The following ARR3 variants were observed in gnomAD, a reference collection of about 807,000 sequenced individuals.
ARR3 encodes the protein arrestin-C.
ARR3 carries 14 observed loss-of-function variants against 35.4 expected under a neutral mutation model. That is an observed-to-expected ratio of 0.40 (90% CI 0.26 to 0.62). The LOEUF is 0.62. ARR3 is among the 20% of genes least tolerant of loss of function. ARR3 has a pLI of 0.46. For synonymous variants in ARR3, 97 were observed against 119.1 expected (o/e 0.81, Z 1.21); for missense variants, 259 against 303.8 (o/e 0.85, Z 1.10).
intron 1 of ARR3, 127 bp from the exon 2 acceptor site, chrX:70,269,229 T>G: frequency 1.7e-6 from 1 of 589,475 alleles, no homozygotes; most frequent in Non-Finnish European, 2.5e-6. Flanking sequence ...AGGTACTTGA[T>G]GTGGGTGAGG....
intron 3 of ARR3, 72 bp from the exon 4 acceptor site, chrX:70,269,771 T>C: frequency 2.5e-6 from 3 of 1,191,523 alleles, no homozygotes; most frequent in Non-Finnish European, 3.4e-6. Context: ...CTCAGGGGTC[T>C]GGGTTGGGGG....
At position 70,269,853 on chromosome X, in the gene ARR3, A is replaced by G; in HGVS notation, c.50A>G (p.Tyr17Cys). Residue 17 changes from tyrosine to cysteine, a missense_variant, in exon 4 of 17, where the codon TAC (tyrosine) becomes TGC (cysteine). Tyr to Cys is a radical substitution (Grantham distance 194). Transcript: ENST00000307959. ...KTSSNGKLSI[Y>C]LGKRDFVDHV... ...GTTGTTCCACAACAGCTCTCCATCT[A>G]CCTGGGGAAACGGGACTTCGTGGAC... The G allele has an allele frequency of 8.3e-7, 1 of 1,208,669 alleles. No individual in the cohort carries two copies. The highest frequency in any genetic ancestry group is 1.1e-6 in the Non-Finnish European group (1 of 893,925).
In ARR3 at chrX:70,269,661, G is replaced by C; in HGVS notation, c.9-1G>C. 1 of 1,205,900 alleles carries C rather than the reference G, an allele frequency of 8.3e-7. No individual in the cohort carries two copies. Reference sequence around the variant, plus strand: ...TCCTCTTTCTGGTTTTCTCCTCATAGGGTGTTTAAGAAGACCAGCTCCAAT... The same window carrying C: ...TCCTCTTTCTGGTTTTCTCCTCATACGGTGTTTAAGAAGACCAGCTCCAAT... On this transcript the variant is annotated splice_acceptor_variant, in intron 2 of 16. Transcript: ENST00000307959. LOFTEE classifies it high-confidence loss of function.
At position 70,276,089 on chromosome X, in the gene ARR3, C is replaced by T. The variant is rs139208732; in HGVS notation, c.153C>T (p.Val51=). Residue 51 remains valine, a synonymous_variant, in exon 6 of 17, where the codon GTC becomes GTT. Coordinates refer to ENST00000307959, the MANE Select transcript of ARR3 (RefSeq NM_004312.3). The part of the protein sequence containing the change: ...PEYLKCRKLF[V]MLTCAFRYGR... ...TTCCTCCTATGCCTGCAGTGTTTGT[C>T]ATGTTGACATGTGCCTTTCGCTATG... is the stretch of plus-strand genomic sequence containing the variant. 5.0e-5 allele frequency: 61 copies of T among 1,210,036 alleles called. No individual in the cohort carries two copies. Among genetic ancestry groups the T allele is most frequent in the Non-Finnish European group, 6.5e-5 (58 of 895,159 alleles).
intron 5 of ARR3, 64 bp from the exon 6 acceptor site, chrX:70,276,018 C>A: frequency 8.9e-7 from 1 of 1,127,261 alleles, no homozygotes; most frequent in Non-Finnish European, 1.2e-6. Context: ...GTCTTCTTGA[C>A]CCAGTTAAGA....
Position 70,281,687 on chromosome X carries a change from T to A in ARR3, c.1088T>A (p.Ile363Lys), listed in dbSNP as rs1425512024. Residue 363 changes from isoleucine to lysine, a missense_variant, in exon 17 of 17, where the codon ATA becomes AAA. Ile to Lys is a moderately radical substitution (Grantham distance 102). Transcript: ENST00000307959. ...GCTGCTTCTGCAAGCTCTGAGGACA[T>A]AGTCATCGAGGAGTTTACGCGGAAA... ...PSHEAASSEDIVIEEFTRKGE... is the reference protein window; with the variant it reads ...PSHEAASSEDKVIEEFTRKGE... The A allele has an allele frequency of 9.3e-6, 11 of 1,183,823 alleles. No homozygotes were observed. The highest frequency in any genetic ancestry group is 1.2e-5 in the Non-Finnish European group (11 of 881,026).
In ARR3 at chrX:70,276,492, G is replaced by C; in HGVS notation, c.405G>C (p.Lys135Asn). The part of the protein sequence containing the change: ...TLQPGPEDAG[K>N]PCGIDFEVKS... ...AGCCAGGTCCTGAAGATGCAGGAAA[G>C]GTGAGGACTGGGTTCTAAGAAAGAG... The change falls in exon 7 of 17, where the codon AAG becomes AAC. Residue 135 changes from lysine to asparagine, a missense_variant and splice_region_variant. Transcript: ENST00000307959. 8.3e-7 allele frequency: 1 copy of C among 1,210,825 alleles called. No homozygotes were observed. Among genetic ancestry groups the C allele is most frequent in the Non-Finnish European group, 1.1e-6 (1 of 894,482 alleles).
chrX:70,280,502 C>G, intron 13 of ARR3, 57 bp from the exon 14 acceptor site: 1 of 1,141,705 alleles, frequency 8.8e-7, no homozygotes, highest in South Asian at 2.1e-5. Flanking sequence ...CCTTGTGAAA[C>G]TAGGTTGCCC....
At chrX:70,274,901 T>C (rs1405125218) in intron 5 of ARR3, among the ~76,000 whole-genome samples, 1 of 112,593 alleles carries the variant, frequency 8.9e-6, no homozygotes, top group Non-Finnish European at 1.9e-5. Flanking sequence ...ACTCCTGAGT[T>C]ATGGAGAGGC....
At position 70,269,676 on chromosome X, in the gene ARR3, C is replaced by A; in HGVS notation, c.23C>A (p.Thr8Asn). ...TCTCCTCATAGGGTGTTTAAGAAGA[C>A]CAGCTCCAATGGGAAGGTGAGAGAA... MSKVFKK[T>N]SSNGKLSIYL... Residue 8 changes from threonine (T) to asparagine (N), a missense_variant, in exon 3 of 17, where the codon ACC becomes AAC. By Grantham distance (65) the Thr-to-Asn change is moderately conservative. Coordinates refer to ENST00000307959, the MANE Select transcript of ARR3 (RefSeq NM_004312.3). 1 of 1,206,483 alleles carries A rather than the reference C, an allele frequency of 8.3e-7. No homozygotes were observed. Among genetic ancestry groups the A allele is most frequent in the Non-Finnish European group, 1.1e-6 (1 of 892,485 alleles).
rs749106063 is a variant in ARR3, at chrX:70,278,558, C to T, written c.822C>T (p.Ile274=). ...SFSQSFAVTP[I]LAASCQKRGL... ...CCCAGAGCTTTGCAGTAACCCCAAT[C>T]CTGGCTGCCAGCTGCCAGAAACGGG... Residue 274 remains isoleucine, a synonymous_variant, in exon 12 of 17, where the codon ATC becomes ATT. Transcript: ENST00000307959. 8 of 1,211,670 alleles carry T rather than the reference C, an allele frequency of 6.6e-6. No individual in the cohort carries two copies. Among genetic ancestry groups the T allele is most frequent in the Middle Eastern group, 2.3e-4 (1 of 4,348 alleles).
At chrX:70,280,904 A>G (rs757854124) in intron 15 of ARR3, 86 bp downstream of exon 15, 1 of 1,115,784 alleles carries the variant, frequency 9.0e-7, no homozygotes, top group Non-Finnish European at 1.2e-6. Flanking sequence ...GGAGACTAGC[A>G]GTTTGCCTGG....
intron 5 of ARR3, among the ~76,000 whole-genome samples, chrX:70,275,310 C>T (rs1569220990): frequency 8.9e-6 from 1 of 112,183 alleles, no homozygotes. Context: ...AATCTTATCT[C>T]GTTGTGGTTT....
intron 9 of ARR3, 88 bp from the exon 10 acceptor site, chrX:70,277,628 G>A: frequency 8.5e-7 from 1 of 1,169,966 alleles, no homozygotes. Context: ...GAGCCAGGGT[G>A]GCAATAGCGC....
At chrX:70,281,320 T>A in intron 16 of ARR3, 2 of 470,280 alleles carry the variant, frequency 4.3e-6, no homozygotes, top group Admixed American at 3.9e-5. Flanking sequence ...TCTGCTCTTG[T>A]TGGAATCATC....
At position 70,278,510 on chromosome X, in the gene ARR3, T is replaced by C. The variant is rs755481939; in HGVS notation, c.774T>C (p.Thr258=). The change falls in exon 12 of 17, where the codon ACT becomes ACC. Residue 258 remains threonine, a synonymous_variant. Coordinates refer to ENST00000307959, the MANE Select transcript of ARR3 (RefSeq NM_004312.3). Reference sequence around the variant, plus strand: ...TCTTGTTCTTCTTTTGTAGGGAGACTGTAGCTGCTAATTCCAGCTTCTCCC... The same window carrying C: ...TCTTGTTCTTCTTTTGTAGGGAGACCGTAGCTGCTAATTCCAGCTTCTCCC... The part of the protein sequence containing the change: ...KTVFIQEFTE[T]VAANSSFSQS... The C allele has an allele frequency of 6.6e-6, 8 of 1,208,509 alleles. No homozygotes were observed. The African/African-American group carries it at 1.4e-4, about 21-fold the overall frequency.
intron 5 of ARR3, among the ~76,000 whole-genome samples, chrX:70,275,878 T>C (rs2085650305): frequency 1.8e-5 from 2 of 108,580 alleles, no homozygotes. Flanking sequence ...GGGGTTTCAC[T>C]GTGTTAGCCA....
At chrX:70,277,909 T>C in intron 10 of ARR3, 109 bp downstream of exon 10, 1 of 894,966 alleles carries the variant, frequency 1.1e-6, no homozygotes, top group Non-Finnish European at 1.6e-6. Context: ...CCCTCTAACA[T>C]GGGCTTGTCA....
At chrX:70,270,232 T>C in intron 5 of ARR3, 88 bp downstream of exon 5, 1 of 992,834 alleles carries the variant, frequency 1.0e-6, no homozygotes, top group African/African-American at 1.9e-5. Context: ...AACCAGAAAG[T>C]GGCAGGAACT....
Sources: allele counts gnomAD v4.1 joint callset (sites outside exome capture counted in the v4.1 genomes callset), GRCh38; gene constraint gnomAD v4.1.1; transcripts MANE v1.5; gene names NCBI Gene and HGNC (gene_info 2026-07-23, HGNC 2026-07-21).